CDH23: variants seen among roughly 807,000 people sequenced by gnomAD.
The protein encoded by CDH23 is cadherin related 23, also known as cadherin-23.
In CDH23, 189 loss-of-function variants were observed where a neutral mutation model predicts 317.1. The ratio of observed to expected loss-of-function variants is 0.60; its 90% CI spans 0.53 to 0.67. The LOEUF (loss-of-function observed/expected upper bound fraction) is 0.67. Among genes scored for constraint, CDH23 ranks in the 30% least tolerant of loss-of-function variants. The pLI is 0.00. For missense variants in CDH23, 4,401 were observed against 4,592.4 expected, an observed-to-expected ratio of 0.96 and a Z score of 1.20; for synonymous variants, 1,839 against 1,876.8, an observed-to-expected ratio of 0.98 and a Z score of 0.52.
At position 71,777,747 on chromosome 10, in the gene CDH23, A is replaced by C. The variant is rs886047138; in HGVS notation, c.4913A>C (p.His1638Pro). 5 of 1,613,582 alleles carry C rather than the reference A, an allele frequency of 3.1e-6. No individual in the cohort carries two copies. Among genetic ancestry groups the C allele is most frequent in the African/African-American group, 1.3e-5 (1 of 74,884 alleles). Residue 1638 changes from histidine to proline, a missense_variant, in exon 39 of 70, where the codon CAC becomes CCC. His to Pro is a moderately conservative substitution (Grantham distance 77). Around this residue, in one of 3 missense-constraint regions of CDH23, gnomAD observed 3,068 missense variants for 3,203.3 expected, o/e 0.96. Coordinates refer to ENST00000224721, the MANE Select transcript of CDH23 (RefSeq NM_022124.6). ...NDNAPMFQQP[H>P]YEVLLDEGPD... is the part of the protein sequence containing the mutation. ...AACGCGCCCATGTTCCAGCAGCCCC[A>C]CTATGAGGTGCTGCTGGATGAGGGC... is the stretch of plus-strand genomic sequence containing the variant.
At chr10:71,430,665 C>A (rs1849329004) in intron 1 of CDH23, among the ~76,000 whole-genome samples, 1 of 152,132 alleles carries the variant, frequency 6.6e-6, no homozygotes, top group African/African-American at 2.4e-5. Context: ...AAAATGTTAG[C>A]CTGGCCTGGT....
intron 1 of CDH23, among the ~76,000 whole-genome samples, chr10:71,419,820 G>T (rs1682550507): frequency 6.6e-6 from 1 of 152,132 alleles, no homozygotes; most frequent in South Asian, 2.1e-4. Context: ...CAAAAGTGGG[G>T]ACCTGAAACT....
intron 14 of CDH23, among the ~76,000 whole-genome samples, chr10:71,657,202 G>C (rs1863454636): frequency 6.6e-6 from 1 of 152,264 alleles, no homozygotes; most frequent in Non-Finnish European, 1.5e-5. Flanking sequence ...CCTAGGCGGG[G>C]TTGGGGTCCT....
intron 1 of CDH23, among the ~76,000 whole-genome samples, chr10:71,414,173 T>C (rs1848446759): frequency 6.6e-6 from 1 of 152,014 alleles, no homozygotes; most frequent in Non-Finnish European, 1.5e-5. Flanking sequence ...CACCTTTTCT[T>C]TCTCTTTCTT....
At chr10:71,655,134 A>G (rs954869922) in intron 14 of CDH23, among the ~76,000 whole-genome samples, 1 of 152,044 alleles carries the variant, frequency 6.6e-6, no homozygotes, top group Non-Finnish European at 1.5e-5. Flanking sequence ...CAGAAGGGAA[A>G]CCTGCAAATC....
Position 71,799,537 on chromosome 10 carries a change from G to C in CDH23, c.7270G>C (p.Val2424Leu), listed in dbSNP as rs1292403564. ...GCCTGTGGGCACAATCATCCTGACA[G>C]TCACTGCCACTGATGCTGACTCAGG... ...DVPVGTIILT[V>L]TATDADSGNF... Residue 2424 changes from valine (V) to leucine (L), a missense_variant, in exon 52 of 70, where the codon GTC becomes CTC. Transcript: ENST00000224721. 6.2e-7 allele frequency: 1 copy of C among 1,614,084 alleles called. No individual in the cohort carries two copies. Among genetic ancestry groups the C allele is most frequent in the Non-Finnish European group, 8.5e-7 (1 of 1,179,916 alleles).
intron 18 of CDH23, 139 bp downstream of exon 18, chr10:71,682,711 C>G: frequency 7.2e-6 from 8 of 1,110,420 alleles, no homozygotes; most frequent in Non-Finnish European, 3.9e-6. Flanking sequence ...AGCCATCTGT[C>G]CCAAAGCCTG....
chr10:71,747,294 G>T (rs576009378), intron 38 of CDH23, among the ~76,000 whole-genome samples: 7 of 152,316 alleles, frequency 4.6e-5, no homozygotes, highest in African/African-American at 1.7e-4. Flanking sequence ...GGCAGAAAAG[G>T]GAGTGGCAGG....
chr10:71,720,585 A>T (rs1866510902), intron 28 of CDH23, among the ~76,000 whole-genome samples: 1 of 152,202 alleles, frequency 6.6e-6, no homozygotes, highest in South Asian at 2.1e-4. Flanking sequence ...TCAAGACAGG[A>T]GTCATGGCCC....
intron 44 of CDH23, among the ~76,000 whole-genome samples, chr10:71,787,839 C>T (rs1379677564): frequency 2.0e-5 from 3 of 152,130 alleles, no homozygotes; most frequent in African/African-American, 7.2e-5. Context: ...AATAGTGTGG[C>T]GATAAACATG....
Position 71,675,213 on chromosome 10 carries a change from A to G in CDH23, c.1514+37A>G, listed in dbSNP as rs1864310757. ...CCCACAGCCCCTCAGGCCCCTCCGC[A>G]GTGGTCCTTGGCCCTCCCCAGACTC... On this transcript the variant is annotated intron_variant, in intron 15 of 69. Transcript: ENST00000224721. 2.5e-6 allele frequency: 4 copies of G among 1,578,174 alleles called. No homozygotes were observed. In the African/African-American group the frequency reaches 4.0e-5, roughly 16 times the overall value.
rs141634698 is a variant in CDH23, at chr10:71,671,595, C to T, written c.1450-3517C>T. Among the ~76,000 whole-genome samples, 389 of 152,226 alleles carry T rather than the reference C, an allele frequency of 2.6e-3. 3 individuals carry two copies. Among genetic ancestry groups the T allele is most frequent in the South Asian group, 8.3e-3 (40 of 4,822 alleles). On this transcript the variant is annotated intron_variant, in intron 14 of 69. Transcript: ENST00000224721. ...CTTGCTTGGGAGGAGGTTGTTTAAA[C>T]GGTGCCATGACAAGCAGATTGGGGC...
intron 40 of CDH23, among the ~76,000 whole-genome samples, 169 bp downstream of exon 40, chr10:71,778,477 T>C (rs1840870091): frequency 6.6e-6 from 1 of 152,206 alleles, no homozygotes; most frequent in African/African-American, 2.4e-5. Context: ...TGTGTGACTT[T>C]AACGAGGTCA....
rs557620034 is a variant in CDH23, at chr10:71,738,496, A to G, written c.4210-2A>G. 1 of 1,613,926 alleles carries G rather than the reference A, an allele frequency of 6.2e-7. No homozygotes were observed. Among genetic ancestry groups the G allele is most frequent in the African/African-American group, 1.3e-5 (1 of 75,062 alleles). On this transcript the variant is annotated splice_acceptor_variant, in intron 34 of 69. Coordinates refer to ENST00000224721, the MANE Select transcript of CDH23 (RefSeq NM_022124.6). LOFTEE classifies it high-confidence loss of function. ...TAGGTCTCTGACCACGTTCACCCTC[A>G]GGTCTACATCACTGTGCTGGACGAG...
chr10:71,547,853 T>TCAA (rs1856369705), intron 6 of CDH23, among the ~76,000 whole-genome samples: 1 of 152,146 alleles, frequency 6.6e-6, no homozygotes, highest in Admixed American at 6.5e-5. Flanking sequence ...GACGGTGGCT[T>TCAA]GTTTGGGACC....
intron 25 of CDH23, among the ~76,000 whole-genome samples, chr10:71,705,765 C>G (rs1007156975): frequency 1.3e-5 from 2 of 152,114 alleles, no homozygotes; most frequent in African/African-American, 4.8e-5. Context: ...TGCCAAGGGG[C>G]CAGGAATAAC....
chr10:71,784,998 C>A lies in CDH23; in HGVS notation c.5610C>A (p.Val1870=). 2 of 1,614,074 alleles carry A rather than the reference C, an allele frequency of 1.2e-6. No homozygotes were observed. The highest frequency in any genetic ancestry group is 8.5e-7 in the Non-Finnish European group (1 of 1,179,882). The change falls in exon 43 of 70, where the codon GTC becomes GTA. Residue 1870 remains valine, a synonymous_variant. Coordinates refer to ENST00000224721, the MANE Select transcript of CDH23 (RefSeq NM_022124.6). The part of the protein sequence containing the change: ...ISENSPVSSF[V]AHVLASDADS... ...AGAACAGCCCTGTCTCCAGCTTTGTCGCCCATGTCCTGGCCAGTGACGCTG... is the reference window on the plus strand; with the variant it reads ...AGAACAGCCCTGTCTCCAGCTTTGTAGCCCATGTCCTGGCCAGTGACGCTG...
intron 6 of CDH23, among the ~76,000 whole-genome samples, chr10:71,543,946 A>T (rs1027927401): frequency 6.6e-6 from 1 of 152,180 alleles, no homozygotes; most frequent in Non-Finnish European, 1.5e-5. Context: ...AAGCTTGAGA[A>T]GGAGAAAAAA....
chr10:71,682,045 G>GAGAC (rs141018202), intron 17 of CDH23, among the ~76,000 whole-genome samples: 30 of 152,098 alleles, frequency 2.0e-4, no homozygotes, highest in South Asian at 4.2e-4. Context: ...ATGAGTGAGT[G>GAGAC]AGACAGACAG....
Sources: gnomAD v4.1 joint callset for allele counts (sites outside exome capture counted in the v4.1 genomes callset) on GRCh38, gnomAD v4.1.1 for gene constraint, gnomAD v4.1.1 regional missense constraint, MANE v1.5 for transcripts, NCBI Gene and HGNC (gene_info 2026-07-23, HGNC 2026-07-21) for gene names.